TMEM229B: variants seen among roughly 807,000 people sequenced by gnomAD.
TMEM229B encodes chromosome 14 open reading frame 83.
In TMEM229B, 6 loss-of-function variants were observed where a neutral mutation model predicts 13.7. That is an observed-to-expected ratio of 0.44 (90% CI 0.24 to 0.86). The LOEUF is 0.86. Among genes scored for constraint, TMEM229B ranks in the 40% least tolerant of loss-of-function variants. TMEM229B has a pLI of 0.23. For missense variants in TMEM229B, 170 were observed against 236.0 expected, an observed-to-expected ratio of 0.72 and a Z score of 1.83; for synonymous variants, 107 against 102.1, an observed-to-expected ratio of 1.05 and a Z score of -0.29.
Position 67,477,665 on chromosome 14 carries a change from C to CT in TMEM229B, c.-18-3725dup, listed in dbSNP as rs567791164. 3.5e-4 allele frequency among the ~76,000 whole-genome samples: 53 copies of CT among 152,308 alleles called. No individual in the cohort carries two copies. In the Middle Eastern group the frequency reaches 0.014, roughly 39 times the overall value. ...CATGGGCAGGTGTGGTGGCTTATGC[C>CT]TGTAATCCTAGCACTTTGGGAGGCA... is the stretch of plus-strand genomic sequence containing the variant. On this transcript the variant is annotated intron_variant, in intron 2 of 2. Coordinates refer to ENST00000554480, the MANE Select transcript of TMEM229B (RefSeq NM_001348543.2).
intron 1 of TMEM229B, among the ~76,000 whole-genome samples, chr14:67,531,509 T>C (rs560370417): frequency 6.6e-6 from 1 of 151,996 alleles, no homozygotes; most frequent in South Asian, 2.1e-4. Flanking sequence ...CTGAAAAAAA[T>C]GTGGAGTCTC....
intron 1 of TMEM229B, among the ~76,000 whole-genome samples, chr14:67,487,938 A>G (rs756815332): frequency 1.3e-5 from 2 of 152,188 alleles, no homozygotes; most frequent in Admixed American, 6.5e-5. Flanking sequence ...ATGTACAGCC[A>G]TGTTTTTACT....
chr14:67,501,971 C>T (rs1168429533), intron 1 of TMEM229B, among the ~76,000 whole-genome samples: 1 of 152,102 alleles, frequency 6.6e-6, no homozygotes, highest in Admixed American at 6.6e-5. Flanking sequence ...TTTTATAGTG[C>T]TTCAGATTTC....
intron 1 of TMEM229B, among the ~76,000 whole-genome samples, chr14:67,529,890 C>A (rs2033420192): frequency 6.6e-6 from 1 of 152,208 alleles, no homozygotes; most frequent in African/African-American, 2.4e-5. Flanking sequence ...TCTCCCCTCT[C>A]TTCCCCTTCC....
chr14:67,475,241 A>G (rs2031111258), intron 2 of TMEM229B, among the ~76,000 whole-genome samples: 1 of 152,144 alleles, frequency 6.6e-6, no homozygotes, highest in Non-Finnish European at 1.5e-5. Context: ...TAAAGGCGGA[A>G]TCATATTCCA....
intron 1 of TMEM229B, among the ~76,000 whole-genome samples, chr14:67,513,706 G>A (rs765265062): frequency 1.3e-5 from 2 of 152,110 alleles, no homozygotes; most frequent in South Asian, 2.1e-4. Context: ...ACAGGCAGGC[G>A]GGAGAGTCCT....
upstream of TMEM229B, among the ~76,000 whole-genome samples, chr14:67,492,997 G>A (rs988819286): frequency 1.3e-4 from 20 of 152,192 alleles, no homozygotes; most frequent in African/African-American, 3.9e-4. Flanking sequence ...GATGCTGGAA[G>A]GTGAGTCTTA....
intron 1 of TMEM229B, among the ~76,000 whole-genome samples, chr14:67,511,652 C>A (rs1358482442): frequency 6.6e-6 from 1 of 152,152 alleles, no homozygotes; most frequent in African/African-American, 2.4e-5. Flanking sequence ...AGTGGAAGCA[C>A]CAAAATCAGA....
Position 67,473,945 on chromosome 14 carries a change from C to CG in TMEM229B, c.-18-5dup, listed in dbSNP as rs762147573. 4.4e-6 allele frequency: 7 copies of CG among 1,581,904 alleles called. No homozygotes were observed. Among genetic ancestry groups the CG allele is most frequent in the East Asian group, 2.3e-5 (1 of 43,906 alleles). Reference sequence around the variant, plus strand: ...CCATGGCGCCGACTGGGGCTGGCTGCGGGGGGCGCAAGAGAGACAGGTGAG... The same window carrying CG: ...CCATGGCGCCGACTGGGGCTGGCTGCGGGGGGGCGCAAGAGAGACAGGTGAG... On this transcript the variant is annotated splice_polypyrimidine_tract_variant and splice_region_variant and intron_variant, in intron 2 of 2. Transcript: ENST00000554480. The surrounding 1 kb of genome is among the most constrained non-coding windows in gnomAD (Gnocchi z 6.5).
intron 1 of TMEM229B, among the ~76,000 whole-genome samples, chr14:67,532,722 AT>A (rs2033505548): frequency 6.6e-6 from 1 of 152,124 alleles, no homozygotes; most frequent in Non-Finnish European, 1.5e-5. Context: ...GTCGTAACTT[AT>A]TTTTTCTTTT....
intron 1 of TMEM229B, among the ~76,000 whole-genome samples, chr14:67,513,389 G>T (rs1472741366): frequency 6.6e-6 from 1 of 152,152 alleles, no homozygotes; most frequent in East Asian, 1.9e-4. Context: ...GCCACAAATT[G>T]CAGGGCCACA....
upstream of TMEM229B, among the ~76,000 whole-genome samples, chr14:67,490,507 A>G (rs554625582): frequency 6.6e-6 from 1 of 152,328 alleles, no homozygotes; most frequent in East Asian, 1.9e-4. Context: ...TATTTCTACA[A>G]TGTGCTGGCA....
intron 2 of TMEM229B, among the ~76,000 whole-genome samples, chr14:67,482,081 GCAAA>G (rs931633066): frequency 2.6e-5 from 4 of 152,200 alleles, no homozygotes; most frequent in African/African-American, 9.7e-5. Context: ...AAGGGCCTGG[GCAAA>G]CAGAGTCCCA....
Position 67,501,880 on chromosome 14 carries a change from G to A in TMEM229B, c.-192+13206C>T, listed in dbSNP as rs1006206252. ...TTCACGTTTCTATGGTGACATCTAC[G>A]AATATTCATACTGTGCAATGTGAGC... On this transcript the variant is annotated intron_variant, in intron 1 of 2. Coordinates refer to the TMEM229B transcript ENST00000357461. Among the ~76,000 whole-genome samples the A allele has an allele frequency of 1.2e-4, 19 of 152,340 alleles. No individual in the cohort carries two copies. The East Asian group carries it at 2.3e-3, about 19-fold the overall frequency.
At position 67,472,203 on chromosome 14, in the gene TMEM229B, TC is replaced by T. The variant is rs1216434620; in HGVS notation, c.*1216del. On this transcript the variant is annotated 3_prime_UTR_variant, in exon 3 of 3. Coordinates refer to ENST00000554480, the MANE Select transcript of TMEM229B (RefSeq NM_001348543.2). ...TCTGGCAGAACCAGAACTGATACCC[TC>T]CCACAAAGGAGGCTCCAAGGAGCCT... 6.6e-6 allele frequency: 1 copy of T among 152,260 alleles called. No homozygotes were observed. The highest frequency in any genetic ancestry group is 2.4e-5 in the African/African-American group (1 of 41,448). The allele number at this position is 152,260 out of a possible 1,614,324, so 9.4% of individuals were successfully genotyped here.
rs191494508 is a variant in TMEM229B, at chr14:67,501,449, C to T, written c.-192+13637G>A. On this transcript the variant is annotated intron_variant, in intron 1 of 2. Transcript: ENST00000357461. Reference sequence around the variant, plus strand: ...GCATGATCATAGGTCACTGCAGCCTCGACCTCCTGGGCTCAAGTGATCCTC... The same window carrying T: ...GCATGATCATAGGTCACTGCAGCCTTGACCTCCTGGGCTCAAGTGATCCTC... Among the ~76,000 whole-genome samples the T allele has an allele frequency of 7.8e-3, 1,188 of 152,268 alleles. 9 individuals carry two copies. Among genetic ancestry groups the T allele is most frequent in the Non-Finnish European group, 0.013 (878 of 68,020 alleles).
intron 2 of TMEM229B, among the ~76,000 whole-genome samples, chr14:67,475,853 C>A (rs1208098209): frequency 6.6e-6 from 1 of 152,244 alleles, no homozygotes; most frequent in Non-Finnish European, 1.5e-5. Context: ...TTATCAGGTG[C>A]CACCCCAATG....
chr14:67,481,381 C>T (rs937606014), intron 2 of TMEM229B, among the ~76,000 whole-genome samples: 3 of 152,138 alleles, frequency 2.0e-5, no homozygotes, highest in African/African-American at 7.2e-5. Context: ...CAGCAGGAAG[C>T]CATGGGTAGT....
intron 1 of TMEM229B, among the ~76,000 whole-genome samples, chr14:67,521,914 T>C (rs558158388): frequency 1.3e-5 from 2 of 152,162 alleles, no homozygotes; most frequent in Non-Finnish European, 1.5e-5. Context: ...CGGTGGCTCA[T>C]GTTTGTAATC....
Sources: gnomAD v4.1 joint callset for allele counts (sites outside exome capture counted in the v4.1 genomes callset) on GRCh38, gnomAD v4.1.1 for gene constraint, Gnocchi (gnomAD v3.1) non-coding constraint, MANE v1.5 for transcripts, NCBI Gene and HGNC (gene_info 2026-07-23, HGNC 2026-07-21) for gene names.